Variants in PPEF1 observed in about 807,000 individuals in gnomAD.
PPEF1 encodes serine/threonine-protein phosphatase with EF-hands 1.
Under a neutral mutation model 53.3 loss-of-function variants are expected in PPEF1, and 12 were observed. That is an observed-to-expected ratio of 0.23 (90% CI 0.14 to 0.36). PPEF1 has a LOEUF of 0.36. PPEF1 is among the 10% of genes least tolerant of loss of function. The pLI, the probability that PPEF1 is intolerant of heterozygous loss-of-function variation, is 1.00. For synonymous variants in PPEF1, 165 were observed against 176.7 expected, an observed-to-expected ratio of 0.93 and a Z score of 0.52; for missense variants, 334 against 490.4, an observed-to-expected ratio of 0.68 and a Z score of 3.01.
At chrX:18,783,365 G>A (rs186171211) in intron 8 of PPEF1, among the ~76,000 whole-genome samples, 6 of 110,188 alleles carry the variant, frequency 5.4e-5, no homozygotes, top group African/African-American at 2.0e-4. Context: ...AGCTAGCCCC[G>A]GGAGGGACAG....
At chrX:18,723,708 A>G (rs971611387) in intron 1 of PPEF1, among the ~76,000 whole-genome samples, 1 of 111,809 alleles carries the variant, frequency 8.9e-6, no homozygotes, top group African/African-American at 3.3e-5. Flanking sequence ...TACAGAGAAC[A>G]GTAGAACAGG....
rs201680584 is a variant in PPEF1 at position 18,714,277 on chromosome X, G to GTT, written c.46+6462_46+6463dup. On this transcript the variant is annotated intron_variant, in intron 1 of 15. Transcript: ENST00000470157. Reference sequence around the variant, plus strand: ...TGGTAAGTTTGTTTTTCGTTTTTTTGTTTTTTTTTTTTGAGATGGAATCTC... The same window carrying GTT: ...TGGTAAGTTTGTTTTTCGTTTTTTTGTTTTTTTTTTTTTTGAGATGGAATCTC... Among the ~76,000 whole-genome samples the GTT allele has an allele frequency of 1.7e-3, 151 of 88,462 alleles. 3 individuals are homozygous for GTT. In the Middle Eastern group the frequency reaches 0.031, roughly 18 times the overall value. 76.8% of individuals were successfully genotyped at this position (88,462 alleles called of 115,157 possible). A position where few individuals can be genotyped will look rare whatever the true frequency, so the allele number is the denominator to read the frequency against.
rs1569273820 is a variant in PPEF1 at position 18,821,784 on chromosome X, AGAGAGAGAGAGAGAG to A, written c.1502-2138_1502-2124del. Among the ~76,000 whole-genome samples, 1,004 of 104,550 alleles carry A rather than the reference AGAGAGAGAGAGAGAG, an allele frequency of 9.6e-3. 11 individuals are homozygous for A. Among genetic ancestry groups the A allele is most frequent in the Non-Finnish European group, 0.016 (828 of 50,720 alleles). The allele number at this position is 104,550 out of a possible 115,157, so 90.8% of individuals were successfully genotyped here. A position where few individuals can be genotyped will look rare whatever the true frequency, so the allele number is the denominator to read the frequency against. On this transcript the variant is annotated intron_variant, in intron 13 of 15. Transcript: ENST00000470157. Reference sequence around the variant, plus strand: ...GAGAGAGAGAGAGAGAGAGAGAGAGAGAGAGAGAGAGAGAGAGAGAAAACAAATAACCAGTGCAAG... The same window carrying A: ...GAGAGAGAGAGAGAGAGAGAGAGAGAAGAGAAAACAAATAACCAGTGCAAG...
At chrX:18,725,497 G>C (rs1391137941) in intron 1 of PPEF1, among the ~76,000 whole-genome samples, 1 of 111,577 alleles carries the variant, frequency 9.0e-6, no homozygotes, top group Non-Finnish European at 1.9e-5. Context: ...AGGTTACACT[G>C]TCAGGAACAG....
At chrX:18,788,269 C>T (rs1193603585) in intron 9 of PPEF1, among the ~76,000 whole-genome samples, 3 of 90,142 alleles carry the variant, frequency 3.3e-5, no homozygotes, top group Non-Finnish European at 4.2e-5. Context: ...CGCGCCACTG[C>T]ACTCCAGCCT....
chrX:18,713,348 A>C (rs2044368913), intron 1 of PPEF1, among the ~76,000 whole-genome samples: 2 of 108,611 alleles, frequency 1.8e-5, no homozygotes, highest in African/African-American at 3.3e-5. Context: ...TGGTAGTTCT[A>C]GGAATTTGCC....
rs2239435 is a variant in PPEF1, at chrX:18,827,401, A to G, written c.1876A>G (p.Ile626Val). 222 of 1,208,980 alleles carry G rather than the reference A, an allele frequency of 1.8e-4. 2 individuals are homozygous for G. In the East Asian group the frequency reaches 6.5e-3, roughly 35 times the overall value. The change falls in exon 16 of 16, where the codon ATT becomes GTT. Residue 626 changes from isoleucine to valine, a missense_variant. By Grantham distance (29) the Ile-to-Val change is conservative. Coordinates refer to ENST00000470157, the MANE Select transcript of PPEF1 (RefSeq NM_001377996.1). ...AATGGACTTGAACAAAGATGGAAGC[A>G]TTGACTTTAATGAGTTTTTAAAGGC... ...NIMDLNKDGSIDFNEFLKAFY... is the reference protein window; with the variant it reads ...NIMDLNKDGSVDFNEFLKAFY...
chrX:18,706,870 C>T (rs2044212435), upstream of PPEF1, among the ~76,000 whole-genome samples: 1 of 91,397 alleles, frequency 1.1e-5, no homozygotes, highest in Non-Finnish European at 2.1e-5. Flanking sequence ...GCTTTGTCGC[C>T]CAGGCTAGAG....
chrX:18,708,065 G>A (rs1197299812), intron 1 of PPEF1, among the ~76,000 whole-genome samples: 1 of 112,352 alleles, frequency 8.9e-6, no homozygotes, highest in Non-Finnish European at 1.9e-5. Flanking sequence ...ATTCGATAAT[G>A]TACCAATATA....
At chrX:18,757,881 G>A (rs2045581902) in intron 5 of PPEF1, 140 bp downstream of exon 5, 1 of 382,594 alleles carries the variant, frequency 2.6e-6, no homozygotes, top group East Asian at 4.2e-5. Flanking sequence ...TGATAATACT[G>A]TTCCCCATCT....
chrX:18,714,044 T>C (rs924262055), intron 1 of PPEF1, among the ~76,000 whole-genome samples: 1 of 111,407 alleles, frequency 9.0e-6, no homozygotes, highest in Admixed American at 9.6e-5. Flanking sequence ...TTCAGGTGAT[T>C]AGATATGAAA....
upstream of PPEF1, among the ~76,000 whole-genome samples, chrX:18,678,665 G>T (rs1358213176): frequency 9.0e-6 from 1 of 111,638 alleles, no homozygotes; most frequent in African/African-American, 3.3e-5. Context: ...CATCAGATTT[G>T]ATCTACTAGC....
chrX:18,683,017 G>A (rs1194485871), intron 1 of PPEF1, among the ~76,000 whole-genome samples: 3 of 111,532 alleles, frequency 2.7e-5, no homozygotes, highest in African/African-American at 6.5e-5. Flanking sequence ...AGAGAAATGA[G>A]AGCCAGGCAA....
At chrX:18,743,333 T>TTCA (rs775116143) in intron 3 of PPEF1, among the ~76,000 whole-genome samples, 34 of 111,743 alleles carry the variant, frequency 3.0e-4, no homozygotes, top group Non-Finnish European at 6.0e-4. Flanking sequence ...GTACATTCAT[T>TTCA]TCATTTTAGT....
intron 3 of PPEF1, among the ~76,000 whole-genome samples, chrX:18,689,504 CAAATAA>C (rs755838276): frequency 1.4e-3 from 144 of 105,727 alleles, no homozygotes; most frequent in Non-Finnish European, 2.3e-3. Flanking sequence ...CTGTCTCAAA[CAAATAA>C]AAATAAATAA....
At position 18,729,003 on chromosome X, in the gene PPEF1, T is replaced by C. The variant is rs766734097; in HGVS notation, c.47-1178T>C. ...CTCATTACCTCTTACCTGATTTCTT[T>C]CTTCAATATGATGAAACTACAAGGT... On this transcript the variant is annotated intron_variant, in intron 1 of 15. Transcript: ENST00000470157. 2.5e-4 allele frequency among the ~76,000 whole-genome samples: 28 copies of C among 112,412 alleles called. No individual in the cohort carries two copies. In the South Asian group the frequency reaches 0.01, roughly 41 times the overall value.
intron 4 of PPEF1, among the ~76,000 whole-genome samples, chrX:18,756,431 C>T (rs11799039): frequency 0.4 from 44,615 of 110,403 alleles, 7,849 homozygotes; most frequent in Non-Finnish European, 0.56. Context: ...CTGCCCACCT[C>T]GGCCTTCCAA....
At chrX:18,762,696 T>C (rs1053076162) in intron 6 of PPEF1, among the ~76,000 whole-genome samples, 2 of 112,062 alleles carry the variant, frequency 1.8e-5, no homozygotes, top group African/African-American at 6.5e-5. Context: ...GAGGTTGCCA[T>C]GGCATTTGTA....
At chrX:18,680,514 C>T (rs184894180), upstream of PPEF1, among the ~76,000 whole-genome samples, 379 of 105,067 alleles carry the variant, frequency 3.6e-3, 3 homozygotes, top group African/African-American at 0.012. Flanking sequence ...CTGCAACCTC[C>T]GCCTCCTGGG....
Sources: gnomAD v4.1 joint callset for allele counts (sites outside exome capture counted in the v4.1 genomes callset) on GRCh38, gnomAD v4.1.1 for gene constraint, MANE v1.5 for transcripts, NCBI Gene and HGNC (gene_info 2026-07-23, HGNC 2026-07-21) for gene names.